The following ECI1 variants were observed in gnomAD, a reference collection of about 807,000 sequenced individuals.
The protein encoded by ECI1 is enoyl-CoA delta isomerase 1, mitochondrial.
A neutral mutation model predicts 34.2 loss-of-function variants in ECI1; 34 were observed. The ratio of observed to expected loss-of-function variants is 1.00; its 90% CI spans 0.76 to 1.33. The LOEUF is 1.33. Ranked by LOEUF, ECI1 falls within the 40% of genes most tolerant of loss-of-function variation. The probability of loss-of-function intolerance (pLI) is 0.00; values close to 1 mark genes in which losing one functional copy is unlikely to be tolerated. For synonymous variants in ECI1, 211 were observed against 193.0 expected (o/e 1.09, Z -0.77); for missense variants, 456 against 422.2 (o/e 1.08, Z -0.70).
At chr16:2,245,395 G>A (rs996904478) in intron 3 of ECI1, among the ~76,000 whole-genome samples, 9 of 152,232 alleles carry the variant, frequency 5.9e-5, no homozygotes, top group African/African-American at 1.2e-4. Context: ...TAATGTGTGC[G>A]AGGAGGAGGC....
chr16:2,250,261 C>CA (rs560687371), intron 2 of ECI1, among the ~76,000 whole-genome samples: 2,138 of 66,904 alleles, frequency 0.032, 4 homozygotes, highest in East Asian at 0.064. Flanking sequence ...ACTACATCTC[C>CA]AAAAAAAAAA....
Position 2,240,059 on chromosome 16 carries a change from A to C in ECI1, c.829T>G (p.Phe277Val). Reference protein sequence around the residue: ...VTQRDADVQNFVSFISKDSIQ... With the variant: ...VTQRDADVQNVVSFISKDSIQ... ...GAGTCTTTGGAGATGAAGCTGACGAAGTTCTGCACGTCCGCATCGCGCTGC... is the reference window on the plus strand; with the variant it reads ...GAGTCTTTGGAGATGAAGCTGACGACGTTCTGCACGTCCGCATCGCGCTGC... The change falls in exon 7 of 7, where the codon TTC becomes GTC. Residue 277 changes from phenylalanine to valine, a missense_variant. Transcript: ENST00000301729. The C allele has an allele frequency of 6.2e-7, 1 of 1,614,016 alleles. No individual in the cohort carries two copies. The highest frequency in any genetic ancestry group is 8.5e-7 in the Non-Finnish European group (1 of 1,180,016).
Position 2,251,504 on chromosome 16 carries a change from G to C in ECI1, c.52+11C>G, listed in dbSNP as rs988881339. The C allele has an allele frequency of 3.2e-6, 5 of 1,558,738 alleles. No individual in the cohort carries two copies. The highest frequency in any genetic ancestry group is 4.3e-6 in the Non-Finnish European group (5 of 1,153,726). On this transcript the variant is annotated intron_variant, in intron 1 of 6. Transcript: ENST00000301729. ...CCCCGGCCCGATCCCTGCCCACCCC[G>C]GGTTTCGCACCCGCGCGGAGCAGAA... is the stretch of plus-strand genomic sequence containing the variant.
At chr16:2,247,071 T>A (rs549739796) in intron 2 of ECI1, 85 bp from the exon 3 acceptor site, 1 of 1,485,540 alleles carries the variant, frequency 6.7e-7, no homozygotes, top group Admixed American at 1.8e-5. Context: ...TAAGCCATGA[T>A]AGCTGTGCAT....
chr16:2,240,436 CCT>C (rs2093525475), intron 6 of ECI1: 1 of 377,896 alleles, frequency 2.6e-6, no homozygotes, highest in Non-Finnish European at 5.0e-6. Context: ...GTCCCGAACT[CCT>C]GACCTCAGGT....
intron 2 of ECI1, among the ~76,000 whole-genome samples, chr16:2,249,514 A>G (rs1045809896): frequency 1.3e-5 from 2 of 152,102 alleles, no homozygotes; most frequent in Non-Finnish European, 2.9e-5. Context: ...CTCCGGTAAA[A>G]AAGGAAAAGT....
Position 2,246,319 on chromosome 16 carries a change from G to A in ECI1, c.294+540C>T, listed in dbSNP as rs558215884. ...TGGCCCACAGAGGATCAGAGAGCATGGGTATTGTTCGCAGGACTGGCTCAG... is the reference window on the plus strand; with the variant it reads ...TGGCCCACAGAGGATCAGAGAGCATAGGTATTGTTCGCAGGACTGGCTCAG... On this transcript the variant is annotated intron_variant, in intron 3 of 6. Coordinates refer to ENST00000301729, the MANE Select transcript of ECI1 (RefSeq NM_001919.4). 1.4e-4 allele frequency among the ~76,000 whole-genome samples: 22 copies of A among 152,338 alleles called. 1 individual carries two copies. The South Asian group carries it at 3.9e-3, about 27-fold the overall frequency.
intron 3 of ECI1, among the ~76,000 whole-genome samples, 187 bp from the exon 4 acceptor site, chr16:2,244,739 G>C (rs1384277246): frequency 4.6e-5 from 7 of 152,196 alleles, no homozygotes; most frequent in Non-Finnish European, 1.0e-4. Context: ...CCTGGACCTG[G>C]CTTCCCTGTA....
At position 2,239,803 on chromosome 16, in the gene ECI1, T is replaced by G; in HGVS notation, c.*176A>C. The G allele has an allele frequency of 3.9e-5, 26 of 670,722 alleles. No individual in the cohort carries two copies. The highest frequency in any genetic ancestry group is 5.6e-5 in the East Asian group (2 of 35,526). The allele number at this position is 670,722 out of a possible 1,614,324, so 41.5% of individuals were successfully genotyped here. A position where few individuals can be genotyped will look rare whatever the true frequency, so the allele number is the denominator to read the frequency against. On this transcript the variant is annotated 3_prime_UTR_variant, in exon 7 of 7. Coordinates refer to ENST00000301729, the MANE Select transcript of ECI1 (RefSeq NM_001919.4). ...CTTGCCTGACGGGCACAGGCACCCA[T>G]GTGTGTTTGTGTGTGGCTGGGCCTT...
Position 2,246,876 on chromosome 16 carries a change from C to T in ECI1, c.277G>A (p.Gly93Ser), listed in dbSNP as rs141206306. 9.4e-3 allele frequency: 15,223 copies of T among 1,613,020 alleles called. 94 individuals carry two copies. The highest frequency in any genetic ancestry group is 0.01 in the Non-Finnish European group (12,289 of 1,180,002). Residue 93 changes from glycine (G) to serine (S), a missense_variant, in exon 3 of 7, where the codon GGT (glycine) becomes AGT (serine). Transcript: ENST00000301729. ...EKLENDKSFR[G>S]VILTSDRPGV... Reference sequence around the variant, plus strand: ...GCACCTACCGAGGTCAGAATGACACCGCGGAAGCTCTTGTCATTCTCCAGC... The same window carrying T: ...GCACCTACCGAGGTCAGAATGACACTGCGGAAGCTCTTGTCATTCTCCAGC...
chr16:2,244,965 C>G (rs1043500498), intron 3 of ECI1, among the ~76,000 whole-genome samples: 2 of 152,166 alleles, frequency 1.3e-5, no homozygotes, highest in African/African-American at 4.8e-5. Context: ...GCCAGGGACC[C>G]CCGTGTGGAC....
At chr16:2,245,265 C>G (rs992880047) in intron 3 of ECI1, among the ~76,000 whole-genome samples, 2 of 152,198 alleles carry the variant, frequency 1.3e-5, no homozygotes, top group Admixed American at 6.5e-5. Flanking sequence ...AGGGCCAGAC[C>G]CCCCAAGGCT....
chr16:2,249,055 T>C (rs1049527354), intron 2 of ECI1, among the ~76,000 whole-genome samples: 2 of 152,062 alleles, frequency 1.3e-5, no homozygotes, highest in African/African-American at 4.8e-5. Flanking sequence ...AATTAATTAA[T>C]TTATTTTTGA....
At chr16:2,251,279 A>G (rs1366572426) in intron 2 of ECI1, 37 bp downstream of exon 2, 1 of 1,048,426 alleles carries the variant, frequency 9.5e-7, no homozygotes, top group Non-Finnish European at 1.2e-6. Context: ...GCGGGTCCTG[A>G]CCCCACGCCC....
At chr16:2,249,359 G>A (rs1288814875) in intron 2 of ECI1, among the ~76,000 whole-genome samples, 2 of 151,872 alleles carry the variant, frequency 1.3e-5, no homozygotes, top group Non-Finnish European at 2.9e-5. Context: ...TCAAAAACAT[G>A]TTATCTTAAG....
At chr16:2,241,365 G>C (rs756547394) in intron 6 of ECI1, among the ~76,000 whole-genome samples, 2 of 151,956 alleles carry the variant, frequency 1.3e-5, no homozygotes, top group African/African-American at 2.4e-5. Context: ...GCATGATCTT[G>C]GCTCACTGCA....
At chr16:2,244,812 G>A (rs2093536557) in intron 3 of ECI1, among the ~76,000 whole-genome samples, 1 of 152,212 alleles carries the variant, frequency 6.6e-6, no homozygotes, top group South Asian at 2.1e-4. Flanking sequence ...GCAGCGCCAG[G>A]CACCTCTCAG....
rs760226559 is a variant in ECI1 at position 2,243,032 on chromosome 16, G to GC, written c.742+13dup. 1 of 1,597,036 alleles carries GC rather than the reference G, an allele frequency of 6.3e-7. No homozygotes were observed. Among genetic ancestry groups the GC allele is most frequent in the Non-Finnish European group, 8.5e-7 (1 of 1,176,124 alleles). On this transcript the variant is annotated intron_variant, in intron 6 of 6. Transcript: ENST00000301729. Reference sequence around the variant, plus strand: ...CCCAGCATCATCGGGCGCCCGCCATGCCCCGTGCCTCACCTGGAATGGCCA... The same window carrying GC: ...CCCAGCATCATCGGGCGCCCGCCATGCCCCCGTGCCTCACCTGGAATGGCCA...
Position 2,243,177 on chromosome 16 carries a change from C to G in ECI1, c.611G>C (p.Arg204Pro). 6.2e-7 allele frequency: 1 copy of G among 1,608,552 alleles called. No homozygotes were observed. Among genetic ancestry groups the G allele is most frequent in the South Asian group, 1.1e-5 (1 of 91,052 alleles). Residue 204 changes from arginine to proline, a missense_variant, in exon 6 of 7, where the codon CGT (arginine) becomes CCT (proline). Transcript: ENST00000301729. ...GAAGAGCAGCCCCAGCTGCAGGGCA[C>G]GCTCCGCCGCCCGGTGCCCGATGGT... Reference protein sequence around the residue: ...ENTIGHRAAERALQLGLLFPP... With the variant: ...ENTIGHRAAEPALQLGLLFPP...
Sources: gnomAD v4.1 joint callset for allele counts (sites outside exome capture counted in the v4.1 genomes callset) on GRCh38, gnomAD v4.1.1 for gene constraint, MANE v1.5 for transcripts, NCBI Gene and HGNC (gene_info 2026-07-23, HGNC 2026-07-21) for gene names.